Variants in CTNNA2 observed in about 807,000 individuals in gnomAD.
CTNNA2 encodes catenin alpha-2.
A neutral mutation model predicts 101.0 loss-of-function variants in CTNNA2; 42 were observed. The observed-to-expected ratio is 0.42, with a 90% CI of 0.32 to 0.54. The LOEUF (loss-of-function observed/expected upper bound fraction) is 0.54. Among genes scored for constraint, CTNNA2 ranks in the 20% least tolerant of loss-of-function variants. The pLI is 0.14. For missense variants in CTNNA2, 871 were observed against 1,223.1 expected (o/e 0.71, Z 4.29); for synonymous variants, 450 against 456.4 (o/e 0.99, Z 0.18).
intron 3 of CTNNA2, among the ~76,000 whole-genome samples, chr2:79,794,149 T>TA: frequency 6.7e-6 from 1 of 150,284 alleles, no homozygotes; most frequent in Non-Finnish European, 1.5e-5. Flanking sequence ...AAATAAAAAA[T>TA]AAAAAAAGAA....
chr2:80,361,777 C>G (rs915290629), intron 7 of CTNNA2, among the ~76,000 whole-genome samples: 4 of 151,994 alleles, frequency 2.6e-5, no homozygotes, highest in Admixed American at 2.6e-4. Context: ...CTCCTTCCCC[C>G]CAAAACCTCT....
At chr2:80,476,668 G>A (rs1230928495) in intron 9 of CTNNA2, among the ~76,000 whole-genome samples, 1 of 152,138 alleles carries the variant, frequency 6.6e-6, no homozygotes, top group Non-Finnish European at 1.5e-5. Flanking sequence ...CAAGCTCACA[G>A]ACGGGTTTAC....
At chr2:79,482,349 C>T (rs1671117397) in intron 4 of CTNNA2, among the ~76,000 whole-genome samples, 1 of 152,132 alleles carries the variant, frequency 6.6e-6, no homozygotes, top group Non-Finnish European at 1.5e-5. Context: ...ATGAAGGGTG[C>T]TTTCTCCTGA....
chr2:79,788,390 C>A (rs1675013952), intron 3 of CTNNA2, among the ~76,000 whole-genome samples: 1 of 151,914 alleles, frequency 6.6e-6, no homozygotes, highest in Non-Finnish European at 1.5e-5. Flanking sequence ...ATAGAGGATA[C>A]CTTTTGAAGT....
intron 3 of CTNNA2, among the ~76,000 whole-genome samples, chr2:79,335,643 T>C (rs2104422558): frequency 1.3e-5 from 2 of 152,282 alleles, no homozygotes; most frequent in Non-Finnish European, 2.9e-5. Flanking sequence ...ACATTCTACG[T>C]CTTAGTTACT....
intron 7 of CTNNA2, among the ~76,000 whole-genome samples, chr2:80,132,767 C>T (rs779675037): frequency 1.3e-5 from 2 of 151,906 alleles, no homozygotes; most frequent in Non-Finnish European, 2.9e-5. Flanking sequence ...GTTATTCTCT[C>T]TATTTTGTTT....
rs1413701022 is a variant in CTNNA2, at chr2:80,397,865, A to G, written c.1137+4574A>G. On this transcript the variant is annotated intron_variant, in intron 8 of 18. Transcript: ENST00000402739. ...TATCCTGCCTCTCCGTAGAACCAACATAAGCATGTGGGTCAACCATATACT... is the reference window on the plus strand; with the variant it reads ...TATCCTGCCTCTCCGTAGAACCAACGTAAGCATGTGGGTCAACCATATACT... 2.6e-5 allele frequency among the ~76,000 whole-genome samples: 4 copies of G among 152,138 alleles called. No homozygotes were observed. In the East Asian group the frequency reaches 5.8e-4, roughly 22 times the overall value.
chr2:79,249,063 C>G (rs1674736236), intron 2 of CTNNA2, among the ~76,000 whole-genome samples: 1 of 152,162 alleles, frequency 6.6e-6, no homozygotes, highest in African/African-American at 2.4e-5. Flanking sequence ...GAAGTCCCAT[C>G]TCTTCTAATT....
intron 7 of CTNNA2, among the ~76,000 whole-genome samples, chr2:79,963,588 T>A (rs528796248): frequency 2.6e-5 from 4 of 152,132 alleles, no homozygotes; most frequent in Non-Finnish European, 5.9e-5. Flanking sequence ...CCCTAGAAGA[T>A]CACTCTAATG....
chr2:80,555,898 G>GC lies in CTNNA2; in HGVS notation c.1741+6dup, dbSNP rs1692988729. The stretch of plus-strand genomic sequence containing the variant: ...CAAAATTGCTTTCTGAAACAGGTAA[G>GC]CATGGGTATTGGGTCTGGCCAAAAT... On this transcript the variant is annotated splice_donor_region_variant and intron_variant, in intron 12 of 18. Transcript: ENST00000402739. 3 of 1,530,220 alleles carry GC rather than the reference G, an allele frequency of 2.0e-6. No homozygotes were observed. The highest frequency in any genetic ancestry group is 2.0e-5 in the Admixed American group (1 of 49,962). 94.8% of individuals were successfully genotyped at this position (1,530,220 alleles called of 1,614,324 possible).
intron 2 of CTNNA2, among the ~76,000 whole-genome samples, chr2:79,249,151 A>G (rs1208901896): frequency 6.6e-6 from 1 of 151,338 alleles, no homozygotes; most frequent in African/African-American, 2.4e-5. Flanking sequence ...ATAATAATAT[A>G]TAGTGGACAG....
intron 7 of CTNNA2, among the ~76,000 whole-genome samples, chr2:79,962,297 C>T (rs1041160927): frequency 2.6e-5 from 4 of 152,220 alleles, no homozygotes; most frequent in Admixed American, 6.5e-5. Flanking sequence ...TAGCTGTGTT[C>T]TCACACAATG....
At chr2:80,256,273 G>A (rs78923100) in intron 7 of CTNNA2, among the ~76,000 whole-genome samples, 9,220 of 151,896 alleles carry the variant, frequency 0.061, 455 homozygotes, top group South Asian at 0.28. Context: ...ATATATACAC[G>A]GGCTCTATCT....
At chr2:79,948,952 A>G (rs1405206209) in intron 7 of CTNNA2, among the ~76,000 whole-genome samples, 1 of 152,198 alleles carries the variant, frequency 6.6e-6, no homozygotes, top group Non-Finnish European at 1.5e-5. Flanking sequence ...TGGGCGACAG[A>G]GCCAGACTCC....
chr2:79,496,652 A>G (rs1251423467), intron 4 of CTNNA2, among the ~76,000 whole-genome samples: 1 of 151,772 alleles, frequency 6.6e-6, no homozygotes, highest in Non-Finnish European at 1.5e-5. Flanking sequence ...CCTAATTTTG[A>G]ATACTTTTTT....
chr2:80,104,324 AG>A (rs1700742445), intron 7 of CTNNA2, among the ~76,000 whole-genome samples: 1 of 152,184 alleles, frequency 6.6e-6, no homozygotes, highest in South Asian at 2.1e-4. Flanking sequence ...CCTGTCCCAA[AG>A]GCAGATAGAT....
At chr2:79,233,412 G>A (rs184092063) in intron 2 of CTNNA2, among the ~76,000 whole-genome samples, 1 of 152,214 alleles carries the variant, frequency 6.6e-6, no homozygotes, top group Non-Finnish European at 1.5e-5. Flanking sequence ...TGTGTTCCAA[G>A]AGCACACTTG....
intron 7 of CTNNA2, among the ~76,000 whole-genome samples, chr2:80,209,602 GACACACACAC>G: frequency 6.9e-6 from 1 of 145,552 alleles, no homozygotes; most frequent in Non-Finnish European, 1.5e-5. Flanking sequence ...CATACACACA[GACACACACAC>G]ACACACACAC....
At chr2:80,582,778 T>A (rs1695650070) in intron 14 of CTNNA2, among the ~76,000 whole-genome samples, 1 of 151,932 alleles carries the variant, frequency 6.6e-6, no homozygotes, top group East Asian at 1.9e-4. Flanking sequence ...AAGCAAGAGG[T>A]TGAGAAAGAG....
Sources: allele counts gnomAD v4.1 joint callset (sites outside exome capture counted in the v4.1 genomes callset), GRCh38; gene constraint gnomAD v4.1.1; transcripts MANE v1.5; gene names NCBI Gene and HGNC (gene_info 2026-07-23, HGNC 2026-07-21).